The following ABLIM2 variants were observed in gnomAD, a reference collection of about 807,000 sequenced individuals.
The protein encoded by ABLIM2 is actin-binding LIM protein 2.
In ABLIM2, 53 loss-of-function variants were observed where a neutral mutation model predicts 97.7. The ratio of observed to expected loss-of-function variants is 0.54; its 90% CI spans 0.44 to 0.68. The LOEUF (loss-of-function observed/expected upper bound fraction) is 0.68. ABLIM2 is among the 30% of genes least tolerant of loss of function. ABLIM2 has a pLI of 0.00. For synonymous variants in ABLIM2, 361 were observed against 345.8 expected (o/e 1.04, Z -0.49); for missense variants, 835 against 867.2 (o/e 0.96, Z 0.47).
intron 14 of ABLIM2, among the ~76,000 whole-genome samples, chr4:8,012,102 C>T (rs1455998247): frequency 1.3e-5 from 2 of 151,112 alleles, no homozygotes; most frequent in African/African-American, 2.4e-5. Context: ...ATCCATCTGC[C>T]CATCCATCCA....
At chr4:8,070,061 CTGAG>C (rs1291541456) in intron 6 of ABLIM2, among the ~76,000 whole-genome samples, 2 of 151,372 alleles carry the variant, frequency 1.3e-5, no homozygotes, top group Non-Finnish European at 1.5e-5. Flanking sequence ...ATCTGTGTAT[CTGAG>C]TGTGTCTGTG....
At chr4:8,048,492 G>C (rs777938891) in intron 8 of ABLIM2, among the ~76,000 whole-genome samples, 2 of 151,108 alleles carry the variant, frequency 1.3e-5, no homozygotes, top group Non-Finnish European at 2.9e-5. Context: ...CTGAGGGGCT[G>C]AGGCTCAGAG....
Position 8,117,661 on chromosome 4 carries a change from T to C in ABLIM2, c.11-11024A>G, listed in dbSNP as rs1331196638. On this transcript the variant is annotated intron_variant, in intron 1 of 20. Transcript: ENST00000447017. ...CCACTTTTCCTCTGGCCCCAAAGAC[T>C]GCTTCTTCTCCCATACCCTGTGATC... 2.7e-5 allele frequency among the ~76,000 whole-genome samples: 4 copies of C among 150,480 alleles called. No individual in the cohort carries two copies. The East Asian group carries it at 5.8e-4, about 22-fold the overall frequency.
chr4:8,051,052 G>C (rs139380579), intron 8 of ABLIM2, among the ~76,000 whole-genome samples: 44 of 152,364 alleles, frequency 2.9e-4, no homozygotes, highest in African/African-American at 9.4e-4. Flanking sequence ...AGCACGGGCT[G>C]GCATCAGTGG....
In ABLIM2 at chr4:8,000,005, G is replaced by A. The variant is rs776710787; in HGVS notation, c.1619-7078C>T. ...GGACTGTGGCTCACACAGCATCCGG[G>A]TCTGCTTTGTGGACACCTGACCCAT... On this transcript the variant is annotated intron_variant, in intron 16 of 20. Transcript: ENST00000447017. Among the ~76,000 whole-genome samples the A allele has an allele frequency of 2.6e-5, 4 of 152,310 alleles. No homozygotes were observed. The East Asian group carries it at 7.7e-4, about 29-fold the overall frequency.
chr4:8,031,215 C>T (rs894190451), intron 10 of ABLIM2, among the ~76,000 whole-genome samples: 1 of 152,334 alleles, frequency 6.6e-6, no homozygotes, highest in Non-Finnish European at 1.5e-5. Context: ...CTGTGCATGG[C>T]TGTGCACCCT....
At chr4:7,995,020 T>A (rs1191447098) in intron 16 of ABLIM2, among the ~76,000 whole-genome samples, 2 of 111,164 alleles carry the variant, frequency 1.8e-5, no homozygotes, top group African/African-American at 5.6e-5. Flanking sequence ...GCGAAGGACA[T>A]GAACAGACAC....
chr4:8,006,031 C>T (rs992547288), intron 16 of ABLIM2, among the ~76,000 whole-genome samples: 3 of 152,210 alleles, frequency 2.0e-5, no homozygotes, highest in Admixed American at 6.5e-5. Flanking sequence ...GGCTGGCACA[C>T]ATGCCCTTGC....
chr4:8,156,046 C>T lies in ABLIM2; in HGVS notation c.10+2634G>A, dbSNP rs1287576660. Among the ~76,000 whole-genome samples, 4 of 152,194 alleles carry T rather than the reference C, an allele frequency of 2.6e-5. No homozygotes were observed. In the South Asian group the frequency reaches 6.2e-4, roughly 24 times the overall value. On this transcript the variant is annotated intron_variant, in intron 1 of 20. Transcript: ENST00000447017. ...TTTGTTATGGAGCAAATTAACACAA[C>T]CCCTCAGGAGCCTCTGTCCACCTGG...
At chr4:8,103,052 G>C (rs1029180594) in intron 2 of ABLIM2, among the ~76,000 whole-genome samples, 1 of 152,230 alleles carries the variant, frequency 6.6e-6, no homozygotes, top group African/African-American at 2.4e-5. Context: ...GCAGCCATCT[G>C]AGACCATGAG....
rs1831083564 is a variant in ABLIM2, at chr4:8,095,476, T to A, written c.338+1623A>T. 6.6e-6 allele frequency among the ~76,000 whole-genome samples: 1 copy of A among 152,220 alleles called. No homozygotes were observed. The highest frequency in any genetic ancestry group is 1.5e-5 in the Non-Finnish European group (1 of 68,036). Reference sequence around the variant, plus strand: ...TTGTTGAATGCTGGATTTTTAAAAATCTTCTTGTGAAAAGTGTTGGGCTTT... The same window carrying A: ...TTGTTGAATGCTGGATTTTTAAAAAACTTCTTGTGAAAAGTGTTGGGCTTT... On this transcript the variant is annotated intron_variant, in intron 3 of 20. Transcript: ENST00000447017. The surrounding 1 kb of genome is among the most constrained non-coding windows in gnomAD (Gnocchi z 4.7).
chr4:8,090,044 G>A (rs543643808), intron 3 of ABLIM2, among the ~76,000 whole-genome samples: 1 of 152,324 alleles, frequency 6.6e-6, no homozygotes, highest in South Asian at 2.1e-4. Flanking sequence ...CAGCAGGTGT[G>A]TTCCTGGGTT....
At chr4:8,086,493 G>C (rs1222230209) in intron 4 of ABLIM2, among the ~76,000 whole-genome samples, 2 of 151,838 alleles carry the variant, frequency 1.3e-5, no homozygotes, top group East Asian at 3.9e-4. Flanking sequence ...GACTACAGGT[G>C]GGCACTACCA....
At chr4:7,971,022 T>C (rs2149376243) in intron 20 of ABLIM2, among the ~76,000 whole-genome samples, 1 of 152,164 alleles carries the variant, frequency 6.6e-6, no homozygotes, top group African/African-American at 2.4e-5. Flanking sequence ...GAGGGTCACA[T>C]GAGGGGCTCT....
chr4:7,992,023 A>C lies in ABLIM2; in HGVS notation c.1680+843T>G, dbSNP rs185389217. ...GGTGAATTGCCTCTATTTATGAACA[A>C]ATTTCCAGACTGGGACGAGGCTGCC... On this transcript the variant is annotated intron_variant, in intron 17 of 20. Transcript: ENST00000447017. The surrounding 1 kb of genome is among the most constrained non-coding windows in gnomAD (Gnocchi z 5.7). Among the ~76,000 whole-genome samples, 6 of 152,166 alleles carry C rather than the reference A, an allele frequency of 3.9e-5. No homozygotes were observed. In the East Asian group the frequency reaches 1.2e-3, roughly 29 times the overall value.
chr4:8,135,873 G>T (rs1850125412), intron 1 of ABLIM2, among the ~76,000 whole-genome samples: 1 of 152,224 alleles, frequency 6.6e-6, no homozygotes, highest in Non-Finnish European at 1.5e-5. Context: ...AAGAGCCAAC[G>T]TGGTGAAGAA....
Position 8,106,554 on chromosome 4 carries a change from T to C in ABLIM2, c.94A>G (p.Lys32Glu). ...ILCNTCGNVCKGEVLRVQDKY... is the reference protein window; with the variant it reads ...ILCNTCGNVCEGEVLRVQDKY... Reference sequence around the variant, plus strand: ...TCCTGCACCCGCAGCACCTCGCCCTTGCACACATTCCCACACGTGTTGCAC... The same window carrying C: ...TCCTGCACCCGCAGCACCTCGCCCTCGCACACATTCCCACACGTGTTGCAC... The change falls in exon 2 of 21, where the codon AAG (lysine) becomes GAG (glutamate). Residue 32 changes from lysine (K) to glutamate (E), a missense_variant. Lys to Glu is a moderately conservative substitution (Grantham distance 56). Transcript: ENST00000447017. 1 of 1,608,796 alleles carries C rather than the reference T, an allele frequency of 6.2e-7. No homozygotes were observed. The highest frequency in any genetic ancestry group is 8.5e-7 in the Non-Finnish European group (1 of 1,177,946).
intron 1 of ABLIM2, among the ~76,000 whole-genome samples, chr4:8,141,205 G>A (rs1850937711): frequency 6.6e-6 from 1 of 151,698 alleles, no homozygotes; most frequent in Admixed American, 6.6e-5. Context: ...ACCCCCCGGA[G>A]CCCTAAGTAT....
rs765539980 is a variant in ABLIM2, at chr4:8,106,503, C to G, written c.145G>C (p.Val49Leu). The G allele has an allele frequency of 6.3e-7, 1 of 1,596,488 alleles. No homozygotes were observed. The highest frequency in any genetic ancestry group is 1.7e-5 in the Admixed American group (1 of 57,356). ...QDKYFHIKCF[V>L]CKACGCDLAE... Reference sequence around the variant, plus strand: ...ACCGGGGGACACTCACCTTTACAGACGAAGCACTTGATGTGGAAGTACTTG... The same window carrying G: ...ACCGGGGGACACTCACCTTTACAGAGGAAGCACTTGATGTGGAAGTACTTG... The change falls in exon 2 of 21, where the codon GTC becomes CTC. Residue 49 changes from valine to leucine, a missense_variant. Transcript: ENST00000447017.
Sources: allele counts gnomAD v4.1 joint callset (sites outside exome capture counted in the v4.1 genomes callset), GRCh38; gene constraint gnomAD v4.1.1; non-coding constraint Gnocchi (gnomAD v3.1); transcripts MANE v1.5; gene names NCBI Gene and HGNC (gene_info 2026-07-23, HGNC 2026-07-21).